Variants in CSMD1 observed in about 807,000 individuals in gnomAD.
The protein encoded by CSMD1 is CUB and sushi domain-containing protein 1.
Under a neutral mutation model 417.5 loss-of-function variants are expected in CSMD1, and 213 were observed. That is an observed-to-expected ratio of 0.51 (90% CI 0.46 to 0.57). The LOEUF (loss-of-function observed/expected upper bound fraction) is 0.57, where lower values mean the gene tolerates loss of function less well. CSMD1 is among the 20% of genes least tolerant of loss of function. CSMD1 has a pLI of 0.00. For missense variants in CSMD1, 6,923 were observed against 4,529.7 expected (o/e 1.53, Z -15.17); for synonymous variants, 2,862 against 1,736.8 (o/e 1.65, Z -16.11).
chr8:4,346,957 T>C (rs1561342), intron 3 of CSMD1, among the ~76,000 whole-genome samples: 17,882 of 152,160 alleles, frequency 0.12, 1,449 homozygotes, highest in African/African-American at 0.22. Context: ...TTAGGTAACA[T>C]TCAACTCTCT....
At chr8:4,982,884 T>C (rs1810976537) in intron 1 of CSMD1, among the ~76,000 whole-genome samples, 1 of 152,206 alleles carries the variant, frequency 6.6e-6, no homozygotes, top group Non-Finnish European at 1.5e-5. Flanking sequence ...GGTAATTTTG[T>C]AACTGCAGTT....
At chr8:3,491,308 C>G (rs888141638) in intron 11 of CSMD1, among the ~76,000 whole-genome samples, 5 of 152,142 alleles carry the variant, frequency 3.3e-5, no homozygotes, top group African/African-American at 9.7e-5. Context: ...ATCCTTTAAC[C>G]TATCAAAACT....
intron 2 of CSMD1, among the ~76,000 whole-genome samples, chr8:4,600,428 T>C (rs2130761977): frequency 6.6e-6 from 1 of 152,336 alleles, no homozygotes; most frequent in Admixed American, 6.5e-5. Context: ...TGTTCCTTAT[T>C]TCAGAAATAA....
intron 5 of CSMD1, among the ~76,000 whole-genome samples, chr8:3,835,075 C>T (rs1802599336): frequency 6.6e-6 from 1 of 151,110 alleles, no homozygotes; most frequent in South Asian, 2.1e-4. Flanking sequence ...ACAACAGGTG[C>T]TGGAGAGGAT....
At chr8:3,270,070 G>C (rs1801726374) in intron 26 of CSMD1, among the ~76,000 whole-genome samples, 1 of 59,746 alleles carries the variant, frequency 1.7e-5, no homozygotes, top group South Asian at 4.9e-4. Context: ...TTTTTTTTGA[G>C]ATGGAGTCTT....
chr8:4,444,611 G>C (rs987285483), intron 2 of CSMD1, among the ~76,000 whole-genome samples: 1 of 152,072 alleles, frequency 6.6e-6, no homozygotes, highest in Non-Finnish European at 1.5e-5. Context: ...CTGCACAAGG[G>C]ATAGATGCCA....
In CSMD1 at chr8:4,762,981, A is replaced by C. The variant is rs1272100491; in HGVS notation, c.86-125423T>G. Among the ~76,000 whole-genome samples the C allele has an allele frequency of 2.0e-5, 3 of 152,078 alleles. No homozygotes were observed. In the East Asian group the frequency reaches 5.8e-4, roughly 29 times the overall value. ...TCAATATCTGGTGGCGTGTGGGAGG[A>C]GACAGATAAGGAAGCCCTCTGCAAA... On this transcript the variant is annotated intron_variant, in intron 1 of 69. Transcript: ENST00000635120.
intron 1 of CSMD1, among the ~76,000 whole-genome samples, chr8:4,964,951 A>G (rs1166997362): frequency 6.6e-6 from 1 of 152,134 alleles, no homozygotes; most frequent in African/African-American, 2.4e-5. Context: ...TTCTTTGCAT[A>G]TGTACTTGCT....
At chr8:3,313,830 T>C (rs1563261810) in intron 23 of CSMD1, among the ~76,000 whole-genome samples, 1 of 152,206 alleles carries the variant, frequency 6.6e-6, no homozygotes, top group Non-Finnish European at 1.5e-5. Flanking sequence ...CGTATGTTTA[T>C]AGCGGCACTA....
intron 6 of CSMD1, among the ~76,000 whole-genome samples, chr8:3,738,964 G>A (rs1417106720): frequency 2.6e-5 from 4 of 152,164 alleles, no homozygotes; most frequent in South Asian, 4.1e-4. Flanking sequence ...ACAAAAAGGT[G>A]TGTTCAAACT....
At chr8:3,840,028 A>G (rs1345162935) in intron 5 of CSMD1, among the ~76,000 whole-genome samples, 3 of 152,112 alleles carry the variant, frequency 2.0e-5, no homozygotes, top group African/African-American at 7.2e-5. Flanking sequence ...TAAGAGTCCT[A>G]TGTTTCTAGG....
chr8:3,828,010 G>A (rs538516184), intron 5 of CSMD1, among the ~76,000 whole-genome samples: 52 of 152,122 alleles, frequency 3.4e-4, no homozygotes, highest in Non-Finnish European at 5.9e-4. Context: ...TGCATGGCAA[G>A]ACTTTACAAT....
At chr8:3,093,665 T>C (rs1585330013) in intron 47 of CSMD1, among the ~76,000 whole-genome samples, 1 of 150,786 alleles carries the variant, frequency 6.6e-6, no homozygotes, top group Non-Finnish European at 1.5e-5. Flanking sequence ...CAAAATTCTG[T>C]CTCAAAAAAA....
intron 3 of CSMD1, among the ~76,000 whole-genome samples, chr8:4,055,194 C>T (rs1471498578): frequency 6.6e-6 from 1 of 152,138 alleles, no homozygotes; most frequent in African/African-American, 2.4e-5. Flanking sequence ...GTTAAAACTT[C>T]AATTTTCTTA....
At chr8:3,148,787 C>T (rs1819008671) in intron 40 of CSMD1, among the ~76,000 whole-genome samples, 2 of 152,206 alleles carry the variant, frequency 1.3e-5, no homozygotes, top group African/African-American at 4.8e-5. Flanking sequence ...GAGGACACAT[C>T]GCCACTCACA....
intron 1 of CSMD1, among the ~76,000 whole-genome samples, chr8:4,748,372 C>T (rs1406233035): frequency 6.6e-6 from 1 of 152,162 alleles, no homozygotes; most frequent in Non-Finnish European, 1.5e-5. Flanking sequence ...TGGTTTTCTG[C>T]TCCTTTGAAT....
At chr8:3,798,098 G>T (rs546270646) in intron 5 of CSMD1, among the ~76,000 whole-genome samples, 1 of 151,736 alleles carries the variant, frequency 6.6e-6, no homozygotes, top group African/African-American at 2.4e-5. Context: ...GTCTTAGTGG[G>T]TTTTTTATTA....
intron 7 of CSMD1, among the ~76,000 whole-genome samples, chr8:3,647,582 AAC>A (rs1311308777): frequency 1.3e-5 from 2 of 152,206 alleles, no homozygotes. Flanking sequence ...CATAAAGAAA[AAC>A]ACAGCATGTT....
chr8:4,594,627 G>C (rs896945206), intron 2 of CSMD1, among the ~76,000 whole-genome samples: 1 of 152,112 alleles, frequency 6.6e-6, no homozygotes, highest in Non-Finnish European at 1.5e-5. Context: ...ATATGTATTT[G>C]AACCTGGTCT....
Sources: gnomAD v4.1 joint callset for allele counts (sites outside exome capture counted in the v4.1 genomes callset) on GRCh38, gnomAD v4.1.1 for gene constraint, MANE v1.5 for transcripts, NCBI Gene and HGNC (gene_info 2026-07-23, HGNC 2026-07-21) for gene names.